CFAP74: variants seen among roughly 807,000 people sequenced by gnomAD.
CFAP74 encodes cilia and flagella associated protein 74.
CFAP74 carries 124 observed loss-of-function variants against 188.9 expected under a neutral mutation model. The observed-to-expected ratio is 0.66, with a 90% CI of 0.57 to 0.76. The LOEUF is 0.76. Among genes scored for constraint, CFAP74 ranks in the 30% least tolerant of loss-of-function variants. The probability of loss-of-function intolerance (pLI) is 0.00; values close to 1 mark genes in which losing one functional copy is unlikely to be tolerated. For missense variants in CFAP74, 2,198 were observed against 2,165.2 expected, an observed-to-expected ratio of 1.02 and a Z score of -0.30; for synonymous variants, 956 against 916.7, an observed-to-expected ratio of 1.04 and a Z score of -0.77.
chr1:1,948,167 G>A lies in CFAP74; in HGVS notation c.2177-1113C>T, dbSNP rs371824159. 1.1e-4 allele frequency among the ~76,000 whole-genome samples: 17 copies of A among 152,220 alleles called. No homozygotes were observed. The South Asian group carries it at 1.9e-3, about 17-fold the overall frequency. ...ATTACAGGCGTGAGCCACTGTGCCC[G>A]GCCAAGGGTCCCCGGTTCTGAAAGT... On this transcript the variant is annotated intron_variant, in intron 18 of 38. Coordinates refer to ENST00000682832, the MANE Select transcript of CFAP74 (RefSeq NM_001304360.2).
At chr1:1,970,624 G>C in intron 10 of CFAP74, 35 bp downstream of exon 10, 1 of 1,576,586 alleles carries the variant, frequency 6.3e-7, no homozygotes, top group South Asian at 1.1e-5. Flanking sequence ...GACTGGGCGG[G>C]TGCCTCCCGG....
At chr1:1,994,696 T>G (rs1336665316) in intron 1 of CFAP74, among the ~76,000 whole-genome samples, 1 of 152,222 alleles carries the variant, frequency 6.6e-6, no homozygotes, top group Non-Finnish European at 1.5e-5. Context: ...GATGTCAGTC[T>G]TCTAAAAGGT....
chr1:1,987,103 G>A (rs934096307), intron 4 of CFAP74, 68 bp from the exon 5 acceptor site: 36 of 1,351,728 alleles, frequency 2.7e-5, no homozygotes, highest in Middle Eastern at 1.8e-4. Flanking sequence ...GACAGTGGGC[G>A]TGGCAATGGG....
chr1:1,964,012 C>T, intron 13 of CFAP74, 145 bp from the exon 14 acceptor site: 2 of 675,028 alleles, frequency 3.0e-6, no homozygotes, highest in Non-Finnish European at 5.2e-6. Flanking sequence ...AAGGTTTCTC[C>T]CAGAATCGAG....
intron 33 of CFAP74, among the ~76,000 whole-genome samples, chr1:1,925,112 G>C (rs35174971): frequency 6.6e-6 from 1 of 151,094 alleles, no homozygotes; most frequent in Non-Finnish European, 1.5e-5. Flanking sequence ...AGGCATGAGG[G>C]CACACGCTGG....
chr1:1,950,542 G>A (rs200848656), intron 18 of CFAP74, among the ~76,000 whole-genome samples: 1 of 152,132 alleles, frequency 6.6e-6, no homozygotes, highest in Non-Finnish European at 1.5e-5. Flanking sequence ...GTTTTGCCAT[G>A]TTGGCCAGGC....
At chr1:1,971,182 CGT>C (rs1265417503) in intron 9 of CFAP74, among the ~76,000 whole-genome samples, 1 of 151,878 alleles carries the variant, frequency 6.6e-6, no homozygotes, top group Non-Finnish European at 1.5e-5. Context: ...CCTGCACACA[CGT>C]GCACAGACGT....
chr1:1,925,679 G>T, intron 33 of CFAP74, 104 bp downstream of exon 33: 1 of 1,302,246 alleles, frequency 7.7e-7, no homozygotes, highest in Non-Finnish European at 1.1e-6. Context: ...GTCCCCACGG[G>T]CTCTCCGACC....
At chr1:1,965,111 C>A (rs375729757) in intron 12 of CFAP74, 50 bp from the exon 13 acceptor site, 1 of 1,566,378 alleles carries the variant, frequency 6.4e-7, no homozygotes, top group African/African-American at 1.4e-5. Flanking sequence ...TCCACCTGGG[C>A]GGCGCCGGTG....
chr1:1,950,299 A>G (rs28853693), intron 18 of CFAP74, among the ~76,000 whole-genome samples: 3,571 of 148,528 alleles, frequency 0.024, 127 homozygotes, highest in African/African-American at 0.079. Context: ...CCACGTACGT[A>G]TCTTCTCTGG....
chr1:1,945,553 C>G (rs1332074734), intron 20 of CFAP74, among the ~76,000 whole-genome samples: 1 of 152,052 alleles, frequency 6.6e-6, no homozygotes, highest in Admixed American at 6.6e-5. Context: ...TGGGGCTGGG[C>G]ACGGTGGCTC....
Position 1,968,886 on chromosome 1 carries a change from G to A in CFAP74, c.1047-53C>T. 2 of 1,573,382 alleles carry A rather than the reference G, an allele frequency of 1.3e-6. No homozygotes were observed. The highest frequency in any genetic ancestry group is 2.2e-5 in the South Asian group (2 of 89,490). ...GCAAGAGGTCCCCTGCCTCCACCTT[G>A]CCCCAGATGAGACAGTGCCCGGCGG... is the stretch of plus-strand genomic sequence containing the variant. On this transcript the variant is annotated intron_variant, in intron 10 of 38. Coordinates refer to ENST00000682832, the MANE Select transcript of CFAP74 (RefSeq NM_001304360.2). This position sits in a 1 kb window ranked among gnomAD's most constrained non-coding sequence, Gnocchi z 4.3.
chr1:1,991,820 A>G (rs1264657645), intron 1 of CFAP74, among the ~76,000 whole-genome samples: 6 of 152,002 alleles, frequency 3.9e-5, no homozygotes, highest in South Asian at 2.1e-4. Flanking sequence ...TGGGCGGATC[A>G]CGAGGTCAGG....
rs776358837 is a variant in CFAP74, at chr1:1,955,759, T to C, written c.2108A>G (p.Gln703Arg). The C allele has an allele frequency of 3.7e-6, 6 of 1,614,240 alleles. No individual in the cohort carries two copies. The highest frequency in any genetic ancestry group is 1.3e-5 in the African/African-American group (1 of 75,066). ...CTCCTTCCGGCTCTGCATGTCCGCCTGGGAGGACTCCGTGCCCTCTAGCTG... is the reference window on the plus strand; with the variant it reads ...CTCCTTCCGGCTCTGCATGTCCGCCCGGGAGGACTCCGTGCCCTCTAGCTG... The part of the protein sequence containing the change: ...EQQLEGTESS[Q>R]ADMQSRKELE... Residue 703 changes from glutamine (Q) to arginine (R), a missense_variant, in exon 18 of 39, where the codon CAG becomes CGG. Coordinates refer to ENST00000682832, the MANE Select transcript of CFAP74 (RefSeq NM_001304360.2).
chr1:1,981,518 T>C (rs377696656), intron 6 of CFAP74, among the ~76,000 whole-genome samples: 654 of 34,650 alleles, frequency 0.019, 29 homozygotes, highest in East Asian at 0.043. Flanking sequence ...CGGACAGACA[T>C]GGGGGCACGC....
At position 1,975,912 on chromosome 1, in the gene CFAP74, C is replaced by T. The variant is rs113696609; in HGVS notation, c.501-1714G>A. Among the ~76,000 whole-genome samples the T allele has an allele frequency of 5.9e-5, 9 of 152,140 alleles. No homozygotes were observed. Among genetic ancestry groups the T allele is most frequent in the African/African-American group, 1.4e-4 (6 of 41,430 alleles). On this transcript the variant is annotated intron_variant, in intron 6 of 38. Coordinates refer to ENST00000682832, the MANE Select transcript of CFAP74 (RefSeq NM_001304360.2). The surrounding 1 kb of genome is among the most constrained non-coding windows in gnomAD (Gnocchi z 4.5). ...AAGACGCTGTCCCAGATGCTGTCGT[C>T]GCCCATTCCTGCTGCTGTAGGAAAA... is the stretch of plus-strand genomic sequence containing the variant.
At chr1:1,993,078 G>A (rs1657685498) in intron 1 of CFAP74, among the ~76,000 whole-genome samples, 1 of 150,964 alleles carries the variant, frequency 6.6e-6, no homozygotes, top group South Asian at 2.1e-4. Context: ...GCAGGCACCT[G>A]TAGTCCCAGC....
At chr1:1,955,522 C>T (rs1553225607) in intron 18 of CFAP74, 169 bp downstream of exon 18, 1 of 1,609,350 alleles carries the variant, frequency 6.2e-7, no homozygotes, top group Non-Finnish European at 8.5e-7. Flanking sequence ...CCAAAAACAA[C>T]ACTTAGTGGC....
Position 1,940,301 on chromosome 1 carries a change from T to C in CFAP74, c.2703+15A>G. ...AGGAGCGCCCAGCATCCCTGGGAAGTGCCCCAACACAGACCTGGTCGGCAA... is the reference window on the plus strand; with the variant it reads ...AGGAGCGCCCAGCATCCCTGGGAAGCGCCCCAACACAGACCTGGTCGGCAA... On this transcript the variant is annotated intron_variant, in intron 23 of 38. Coordinates refer to ENST00000682832, the MANE Select transcript of CFAP74 (RefSeq NM_001304360.2). 6.5e-7 allele frequency: 1 copy of C among 1,532,444 alleles called. No homozygotes were observed. Among genetic ancestry groups the C allele is most frequent in the Non-Finnish European group, 8.7e-7 (1 of 1,144,036 alleles). 94.9% of individuals were successfully genotyped at this position (1,532,444 alleles called of 1,614,324 possible).
Sources: gnomAD v4.1 joint callset for allele counts (sites outside exome capture counted in the v4.1 genomes callset) on GRCh38, gnomAD v4.1.1 for gene constraint, Gnocchi (gnomAD v3.1) non-coding constraint, MANE v1.5 for transcripts, NCBI Gene and HGNC (gene_info 2026-07-23, HGNC 2026-07-21) for gene names.